Variants in APBB1IP observed in about 807,000 individuals in gnomAD.
The protein encoded by APBB1IP is amyloid beta precursor protein binding family B member 1 interacting protein, also known as amyloid beta A4 precursor protein-binding family B member 1-interacting protein.
In APBB1IP, 27 loss-of-function variants were observed where a neutral mutation model predicts 64.9. The ratio of observed to expected loss-of-function variants is 0.42; its 90% CI spans 0.31 to 0.57. The LOEUF is 0.57. Ranked by LOEUF, APBB1IP falls within the 20% of genes least tolerant of loss-of-function variation. The probability of loss-of-function intolerance (pLI) is 0.20; values close to 1 mark genes in which losing one functional copy is unlikely to be tolerated. For missense variants in APBB1IP, 812 were observed against 845.5 expected (o/e 0.96, Z 0.49); for synonymous variants, 392 against 331.0 (o/e 1.18, Z -2.00).
chr10:26,560,813 C>G lies in APBB1IP; in HGVS notation c.1338C>G (p.Val446=), dbSNP rs1836958562. Residue 446 remains valine, a synonymous_variant, in exon 13 of 15, where the codon GTC becomes GTG. Transcript: ENST00000376236. ...CTCGGTGGACAAACTTGGGGACAGTCAATGCAGCTGCACCAGCTCAGCCAT... is the reference window on the plus strand; with the variant it reads ...CTCGGTGGACAAACTTGGGGACAGTGAATGCAGCTGCACCAGCTCAGCCAT... ...LASRWTNLGT[V]NAAAPAQPST... is the part of the protein sequence containing the mutation. 6.2e-7 allele frequency: 1 copy of G among 1,601,842 alleles called. No individual in the cohort carries two copies. Among genetic ancestry groups the G allele is most frequent in the Non-Finnish European group, 8.5e-7 (1 of 1,173,806 alleles).
intron 11 of APBB1IP, among the ~76,000 whole-genome samples, chr10:26,543,457 ACT>A (rs1293483730): frequency 2.8e-5 from 4 of 144,884 alleles, no homozygotes; most frequent in Non-Finnish European, 6.0e-5. Flanking sequence ...ACAGAGAGAG[ACT>A]CTGTCTCAAA....
Position 26,501,094 on chromosome 10 carries a change from C to T in APBB1IP, c.436C>T (p.Pro146Ser), listed in dbSNP as rs769724583. The change falls in exon 5 of 15, where the codon CCT becomes TCT. Residue 146 changes from proline to serine, a missense_variant. This residue lies in a region of APBB1IP where 394 missense variants were observed against 413.1 expected (regional missense o/e 0.95). Transcript: ENST00000376236. ...VLDLPLPPPP[P>S]EPLSQEEEEA... ...AGACCTTCCACTGCCACCACCACCT[C>T]CTGAACCTCTCTCTCAGGTAAGTAT... 6.2e-7 allele frequency: 1 copy of T among 1,614,210 alleles called. No homozygotes were observed. Among genetic ancestry groups the T allele is most frequent in the South Asian group, 1.1e-5 (1 of 91,082 alleles).
At chr10:26,552,904 G>A (rs1836849689) in intron 11 of APBB1IP, among the ~76,000 whole-genome samples, 1 of 152,038 alleles carries the variant, frequency 6.6e-6, no homozygotes, top group Non-Finnish European at 1.5e-5. Flanking sequence ...TGGTTTGGGG[G>A]CTCTAACTCA....
Position 26,524,955 on chromosome 10 carries a change from C to CTTTTT in APBB1IP, c.814-8469_814-8465dup, listed in dbSNP as rs56982662. On this transcript the variant is annotated intron_variant, in intron 8 of 14. Coordinates refer to ENST00000376236, the MANE Select transcript of APBB1IP (RefSeq NM_019043.4). Reference sequence around the variant, plus strand: ...TCTTTTTCTTTCTCTTTCTTTCTTTCTTTTTTTTTTTTTTTTTTTATAAAA... The same window carrying CTTTTT: ...TCTTTTTCTTTCTCTTTCTTTCTTTCTTTTTTTTTTTTTTTTTTTTTTTTATAAAA... 5.2e-3 allele frequency among the ~76,000 whole-genome samples: 381 copies of CTTTTT among 73,716 alleles called. 3 individuals carry two copies. The highest frequency in any genetic ancestry group is 0.016 in the Middle Eastern group (2 of 124). The allele number at this position is 73,716 out of a possible 152,430, so 48.4% of individuals were successfully genotyped here.
At chr10:26,511,215 G>T (rs1041833011) in intron 6 of APBB1IP, among the ~76,000 whole-genome samples, 1 of 152,032 alleles carries the variant, frequency 6.6e-6, no homozygotes, top group African/African-American at 2.4e-5. Context: ...ATGGTAGCAG[G>T]CACCTGTAAT....
At chr10:26,447,973 A>G (rs781595827) in intron 2 of APBB1IP, among the ~76,000 whole-genome samples, 5 of 152,246 alleles carry the variant, frequency 3.3e-5, no homozygotes, top group Non-Finnish European at 7.4e-5. Flanking sequence ...ATTAAATGAT[A>G]TATCCAAAAA....
At chr10:26,459,711 T>A (rs916568354) in intron 2 of APBB1IP, among the ~76,000 whole-genome samples, 13 of 152,228 alleles carry the variant, frequency 8.5e-5, no homozygotes, top group Non-Finnish European at 1.5e-4. Flanking sequence ...GAGTTTTTTT[T>A]AAAATTTGTT....
intron 2 of APBB1IP, among the ~76,000 whole-genome samples, chr10:26,456,637 G>A (rs1421905591): frequency 6.6e-6 from 1 of 151,180 alleles, no homozygotes; most frequent in African/African-American, 2.4e-5. Context: ...TACTCAGGAG[G>A]CTGAGGTGGG....
intron 4 of APBB1IP, among the ~76,000 whole-genome samples, chr10:26,497,101 A>G (rs1029241981): frequency 6.6e-5 from 10 of 152,156 alleles, no homozygotes; most frequent in African/African-American, 4.8e-5. Flanking sequence ...AGGCTGAGGC[A>G]GGAAGATCAA....
At chr10:26,562,788 T>G (rs1451243222) in intron 14 of APBB1IP, among the ~76,000 whole-genome samples, 3 of 151,508 alleles carry the variant, frequency 2.0e-5, no homozygotes, top group Non-Finnish European at 4.4e-5. Context: ...CAGAGTAAGA[T>G]CCAGTCTTAA....
intron 11 of APBB1IP, among the ~76,000 whole-genome samples, chr10:26,548,422 A>C (rs1836793437): frequency 6.8e-6 from 1 of 147,780 alleles, no homozygotes; most frequent in Non-Finnish European, 1.5e-5. Context: ...ATTGCTTTGA[A>C]TCTGTAAATT....
At chr10:26,534,688 C>A (rs546955168) in intron 9 of APBB1IP, among the ~76,000 whole-genome samples, 1 of 152,198 alleles carries the variant, frequency 6.6e-6, no homozygotes, top group African/African-American at 2.4e-5. Flanking sequence ...TGCCACCCCC[C>A]AGATGCTGAG....
At chr10:26,553,661 G>A (rs574391869) in intron 11 of APBB1IP, among the ~76,000 whole-genome samples, 24 of 152,182 alleles carry the variant, frequency 1.6e-4, no homozygotes, top group African/African-American at 5.3e-4. Context: ...CTTTCTCTAC[G>A]AATGTATACA....
intron 2 of APBB1IP, among the ~76,000 whole-genome samples, chr10:26,445,128 AAAAGAAAGAAAGAAAGAAAG>A (rs762345104): frequency 0.095 from 9,727 of 101,990 alleles, 496 homozygotes; most frequent in Non-Finnish European, 0.12. Flanking sequence ...AGAAAGAAAG[AAAAGAAAGAAAGAAAGAAAG>A]AAAGAAAGAA....
Position 26,567,366 on chromosome 10 carries a change from CCTCCTGTG to C in APBB1IP, c.1881_1888del (p.Val629GlnfsTer62). The C allele has an allele frequency of 1.3e-6, 2 of 1,550,250 alleles. No individual in the cohort carries two copies. The highest frequency in any genetic ancestry group is 1.7e-6 in the Non-Finnish European group (2 of 1,142,860). ...GCCGCCCCCCGCGGTGGCCAAGAGGCCTCCTGTGCCCCCCAAGAGGCAAGAGAACCCAG... is the reference window on the plus strand; with the variant it reads ...GCCGCCCCCCGCGGTGGCCAAGAGGCCCCCCCAAGAGGCAAGAGAACCCAG... On this transcript the variant is annotated frameshift_variant, in exon 15 of 15. Transcript: ENST00000376236. LOFTEE classifies it high-confidence loss of function.
At chr10:26,474,489 T>C (rs1398941801) in intron 2 of APBB1IP, among the ~76,000 whole-genome samples, 1 of 152,258 alleles carries the variant, frequency 6.6e-6, no homozygotes, top group East Asian at 1.9e-4. Flanking sequence ...TTCCAGTTGA[T>C]GTTGAATGTT....
chr10:26,537,165 G>A (rs550051145), intron 10 of APBB1IP, among the ~76,000 whole-genome samples: 25 of 140,862 alleles, frequency 1.8e-4, no homozygotes, highest in African/African-American at 5.7e-4. Flanking sequence ...GGACCTTTCC[G>A]TCTTTTGTTC....
chr10:26,555,624 G>C (rs1382377487), intron 11 of APBB1IP, among the ~76,000 whole-genome samples: 5 of 152,034 alleles, frequency 3.3e-5, no homozygotes, highest in Admixed American at 1.3e-4. Context: ...TTTGTTTGAG[G>C]TAGGGTCTCC....
chr10:26,503,150 G>A (rs189390747), intron 5 of APBB1IP, 47 bp from the exon 6 acceptor site: 1 of 1,573,058 alleles, frequency 6.4e-7, no homozygotes, highest in Non-Finnish European at 8.7e-7. Context: ...ATTACTCACT[G>A]GTATTACTTA....
Sources: allele counts gnomAD v4.1 joint callset (sites outside exome capture counted in the v4.1 genomes callset), GRCh38; gene constraint gnomAD v4.1.1; regional missense constraint gnomAD v4.1.1; transcripts MANE v1.5; gene names NCBI Gene and HGNC (gene_info 2026-07-23, HGNC 2026-07-21).